Variants in NOA1 observed in about 807,000 individuals in gnomAD.
The protein encoded by NOA1 is nitric oxide associated 1.
Under a neutral mutation model 58.4 loss-of-function variants are expected in NOA1, and 35 were observed. The observed-to-expected ratio is 0.60, with a 90% CI of 0.46 to 0.79. NOA1 has a LOEUF of 0.79. NOA1 is among the 30% of genes least tolerant of loss of function. The pLI is 0.00. For synonymous variants in NOA1, 397 were observed against 373.4 expected (o/e 1.06, Z -0.73); for missense variants, 895 against 894.6 (o/e 1.00, Z -0.01).
chr4:56,970,140 A>G (rs1244153190), intron 3 of NOA1, among the ~76,000 whole-genome samples: 1 of 151,954 alleles, frequency 6.6e-6, no homozygotes, highest in African/African-American at 2.4e-5. Flanking sequence ...CCTCTATGAA[A>G]AATACAAAAA....
chr4:56,976,580 G>T lies in NOA1; in HGVS notation c.1006C>A (p.Arg336Ser), dbSNP rs200975892. The T allele has an allele frequency of 4.3e-6, 7 of 1,614,220 alleles. No homozygotes were observed. In the East Asian group the frequency reaches 1.6e-4, roughly 36 times the overall value. The change falls in exon 1 of 7, where the codon CGC becomes AGC. Residue 336 changes from arginine to serine, a missense_variant. Around this residue, in one of 3 missense-constraint regions of NOA1, gnomAD observed 680 missense variants for 656.5 expected, o/e 1.04. Transcript: ENST00000264230. Reference protein sequence around the residue: ...ELISALQRSWRYRGDVYLVGA... With the variant: ...ELISALQRSWSYRGDVYLVGA... Reference sequence around the variant, plus strand: ...ACTAAGTAGACGTCCCCACGGTAGCGCCAGGAGCGCTGAAGGGCAGAGATC... The same window carrying T: ...ACTAAGTAGACGTCCCCACGGTAGCTCCAGGAGCGCTGAAGGGCAGAGATC...
rs770487079 is a variant in NOA1 at position 56,976,463 on chromosome 4, C to T, written c.1123G>A (p.Ala375Thr). 10 of 1,613,382 alleles carry T rather than the reference C, an allele frequency of 6.2e-6. No individual in the cohort carries two copies. The highest frequency in any genetic ancestry group is 5.5e-5 in the South Asian group (5 of 91,066). Residue 375 changes from alanine (A) to threonine (T), a missense_variant, in exon 1 of 7, where the codon GCC becomes ACC. Coordinates refer to ENST00000264230, the MANE Select transcript of NOA1 (RefSeq NM_032313.4). ...TCACCTGGCCAAGGGGAGATGGTGGCTCTGTCGATGGCCTCGGAGCCCTTG... is the reference window on the plus strand; with the variant it reads ...TCACCTGGCCAAGGGGAGATGGTGGTTCTGTCGATGGCCTCGGAGCCCTTG... ...TAKGSEAIDR[A>T]TISPWPGTTL...
chr4:56,971,134 G>A (rs368447742), intron 3 of NOA1, among the ~76,000 whole-genome samples: 5 of 151,934 alleles, frequency 3.3e-5, no homozygotes, highest in Admixed American at 6.6e-5. Flanking sequence ...CCAACATGGC[G>A]AAACCCTGTC....
At chr4:56,974,584 G>T (rs564051887) in intron 1 of NOA1, among the ~76,000 whole-genome samples, 1 of 151,740 alleles carries the variant, frequency 6.6e-6, no homozygotes, top group Non-Finnish European at 1.5e-5. Context: ...CCTGGGAGGT[G>T]AGGGTTGCCG....
intron 6 of NOA1, among the ~76,000 whole-genome samples, chr4:56,964,052 G>A (rs1391844133): frequency 6.6e-6 from 1 of 151,822 alleles, no homozygotes; most frequent in Non-Finnish European, 1.5e-5. Flanking sequence ...TTGTCGGTAA[G>A]GCTGCTTTAT....
rs747111511 is a variant in NOA1, at chr4:56,963,517, T to C, written c.2030A>G (p.Tyr677Cys). ...KGQRIKKSVA[Y>C]KTKKPPSLMY... Reference sequence around the variant, plus strand: ...AAGGGAAGGAGGCTTCTTGGTTTTATAGGCCACACTTTTCTTGATGCGCTG... The same window carrying C: ...AAGGGAAGGAGGCTTCTTGGTTTTACAGGCCACACTTTTCTTGATGCGCTG... The change falls in exon 7 of 7, where the codon TAT becomes TGT. Residue 677 changes from tyrosine (Y) to cysteine (C), a missense_variant. Around this residue, in one of 3 missense-constraint regions of NOA1, gnomAD observed 212 missense variants for 221.3 expected, o/e 0.96. Transcript: ENST00000264230. 7.4e-6 allele frequency: 12 copies of C among 1,614,078 alleles called. No individual in the cohort carries two copies. The highest frequency in any genetic ancestry group is 1.0e-5 in the Non-Finnish European group (12 of 1,180,046).
At position 56,967,833 on chromosome 4, in the gene NOA1, T is replaced by G. The variant is rs576810229; in HGVS notation, c.1647+551A>C. Among the ~76,000 whole-genome samples, 3 of 152,236 alleles carry G rather than the reference T, an allele frequency of 2.0e-5. No individual in the cohort carries two copies. The South Asian group carries it at 6.2e-4, about 32-fold the overall frequency. On this transcript the variant is annotated intron_variant, in intron 4 of 6. Transcript: ENST00000264230. ...GTATCTTGTCTTAAATGCCAAGCTGTGTAGGGTACTCAATTGAAAACGTAA... is the reference window on the plus strand; with the variant it reads ...GTATCTTGTCTTAAATGCCAAGCTGGGTAGGGTACTCAATTGAAAACGTAA...
At chr4:56,974,847 A>G (rs1269273981) in intron 1 of NOA1, among the ~76,000 whole-genome samples, 1 of 151,788 alleles carries the variant, frequency 6.6e-6, no homozygotes, top group East Asian at 2.0e-4. Flanking sequence ...GATTACAGGC[A>G]CCAGCTACCA....
intron 1 of NOA1, among the ~76,000 whole-genome samples, chr4:56,974,562 G>A (rs1393234138): frequency 2.6e-5 from 4 of 151,578 alleles, no homozygotes; most frequent in Non-Finnish European, 5.9e-5. Context: ...TGAGGCAGGA[G>A]AATCGCTTGA....
chr4:56,973,267 T>C lies in NOA1; in HGVS notation c.1396A>G (p.Met466Val), dbSNP rs1560465064. The change falls in exon 3 of 7, where the codon ATG (methionine) becomes GTG (valine). Residue 466 changes from methionine (M) to valine (V), a missense_variant. Met to Val is a conservative substitution (Grantham distance 21). Transcript: ENST00000264230. ...GTACCCATAACAGGGTCATTTTCCA[T>C]GTCAAAGGCAAGTGAATCAGCATCA... ...EFDADSLAFD[M>V]ENDPVMGTHK... 1 of 1,614,138 alleles carries C rather than the reference T, an allele frequency of 6.2e-7. No homozygotes were observed. The highest frequency in any genetic ancestry group is 8.5e-7 in the Non-Finnish European group (1 of 1,180,010).
At chr4:56,966,406 C>G (rs762550780) in intron 5 of NOA1, among the ~76,000 whole-genome samples, 13 of 151,644 alleles carry the variant, frequency 8.6e-5, no homozygotes, top group Non-Finnish European at 1.9e-4. Context: ...ACAGTGTAGT[C>G]TAGAGAAAAA....
At position 56,966,528 on chromosome 4, in the gene NOA1, A is replaced by C. The variant is rs576056571; in HGVS notation, c.1764+92T>G. 1.2e-5 allele frequency: 9 copies of C among 756,126 alleles called. No homozygotes were observed. The African/African-American group carries it at 1.4e-4, about 12-fold the overall frequency. The allele number at this position is 756,126 out of a possible 1,614,324, so 46.8% of individuals were successfully genotyped here. A position where few individuals can be genotyped will look rare whatever the true frequency, so the allele number is the denominator to read the frequency against. On this transcript the variant is annotated intron_variant, in intron 5 of 6. Transcript: ENST00000264230. The stretch of plus-strand genomic sequence containing the variant: ...AAGCTAGCTCAAGATATTGTATAAC[A>C]GTTCTGTACAACAAAGGCTTTCTTA...
chr4:56,977,034 C>CAGCCAGCAGCGCTGGCACACGGTCCG lies in NOA1; in HGVS notation c.526_551dup (p.Leu185GlyfsTer21), dbSNP rs1197147885. 4.4e-6 allele frequency: 7 copies of CAGCCAGCAGCGCTGGCACACGGTCCG among 1,585,892 alleles called. No individual in the cohort carries two copies. The highest frequency in any genetic ancestry group is 4.0e-5 in the African/African-American group (3 of 74,542). On this transcript the variant is annotated frameshift_variant, in exon 1 of 7. Coordinates refer to ENST00000264230, the MANE Select transcript of NOA1 (RefSeq NM_032313.4). LOFTEE classifies it high-confidence loss of function. Reference sequence around the variant, plus strand: ...GTAGAGCGCGCCGGTGGTGCGACAGCAGCCAGCAGCGCTGGCACACGGTCC... The same window carrying CAGCCAGCAGCGCTGGCACACGGTCCG: ...GTAGAGCGCGCCGGTGGTGCGACAGCAGCCAGCAGCGCTGGCACACGGTCCGAGCCAGCAGCGCTGGCACACGGTCC...
intron 1 of NOA1, 116 bp downstream of exon 1, chr4:56,976,326 G>T: frequency 2.4e-6 from 2 of 844,450 alleles, no homozygotes; most frequent in South Asian, 3.6e-5. Context: ...AATTTGTAAA[G>T]GGAAGGGTAC....
chr4:56,977,214 G>A lies in NOA1; in HGVS notation c.372C>T (p.His124=). 1.3e-6 allele frequency: 2 copies of A among 1,576,758 alleles called. No individual in the cohort carries two copies. The highest frequency in any genetic ancestry group is 1.7e-6 in the Non-Finnish European group (2 of 1,163,686). The change falls in exon 1 of 7, where the codon CAC becomes CAT. Residue 124 remains histidine (H), a synonymous_variant. Transcript: ENST00000264230. ...CCGGGTCCGGGTGCCCCACGACCGG[G>A]TGCTCCCGGGACCTGGCCCGTAGGT... The part of the protein sequence containing the change: ...QQNLRARSRE[H]PVVGHPDPAL...
Position 56,976,928 on chromosome 4 carries a change from T to C in NOA1, c.658A>G (p.Met220Val), listed in dbSNP as rs758174355. 5 of 1,609,766 alleles carry C rather than the reference T, an allele frequency of 3.1e-6. No homozygotes were observed. In the South Asian group the frequency reaches 3.3e-5, roughly 11 times the overall value. ...TCGGGCAGGTCCAGCAGGTCCACCA[T>C]GTAGAGCACCAGGGAGGGGCCGGGC... ...RRPGPSLVLY[M>V]VDLLDLPDAL... The change falls in exon 1 of 7, where the codon ATG becomes GTG. Residue 220 changes from methionine (M) to valine (V), a missense_variant. Transcript: ENST00000264230.
rs759984494 is a variant in NOA1 at position 56,977,389 on chromosome 4, C to A, written c.197G>T (p.Gly66Val). The A allele has an allele frequency of 5.6e-6, 9 of 1,614,204 alleles. No individual in the cohort carries two copies. In the South Asian group the frequency reaches 9.9e-5, roughly 18 times the overall value. ...PVDTEGFGEG[G>V]DMQERFLFPE... ...GAACAGAAAACGCTCCTGCATGTCA[C>A]CACCTTCTCCAAAGCCCTCCGTGTC... The change falls in exon 1 of 7, where the codon GGT (glycine) becomes GTT (valine). Residue 66 changes from glycine to valine, a missense_variant. This residue lies in a region of NOA1 where 680 missense variants were observed against 656.5 expected (regional missense o/e 1.04). Coordinates refer to ENST00000264230, the MANE Select transcript of NOA1 (RefSeq NM_032313.4).
At position 56,976,916 on chromosome 4, in the gene NOA1, G is replaced by GCAGGTCCAC. The variant is rs768351471; in HGVS notation, c.661_669dup (p.Val221_Leu223dup). ...GGCAGCAGGGCGTCGGGCAGGTCCA[G>GCAGGTCCAC]CAGGTCCACCATGTAGAGCACCAGG... On this transcript the variant is annotated inframe_insertion, in exon 1 of 7. Transcript: ENST00000264230. 1.9e-6 allele frequency: 3 copies of GCAGGTCCAC among 1,611,460 alleles called. No individual in the cohort carries two copies. The East Asian group carries it at 6.7e-5, about 36-fold the overall frequency.
chr4:56,970,821 T>C (rs1402831622), intron 3 of NOA1, among the ~76,000 whole-genome samples: 1 of 152,116 alleles, frequency 6.6e-6, no homozygotes, highest in African/African-American at 2.4e-5. Flanking sequence ...GAAACCCTGG[T>C]TTAAGACATC....
Sources: gnomAD v4.1 joint callset for allele counts (sites outside exome capture counted in the v4.1 genomes callset) on GRCh38, gnomAD v4.1.1 for gene constraint, gnomAD v4.1.1 regional missense constraint, MANE v1.5 for transcripts, NCBI Gene and HGNC (gene_info 2026-07-23, HGNC 2026-07-21) for gene names.